PRSS3: variants seen among roughly 807,000 people sequenced by gnomAD.
PRSS3 encodes trypsin-3.
A neutral mutation model predicts 20.8 loss-of-function variants in PRSS3; 14 were observed. The ratio of observed to expected loss-of-function variants is 0.67; its 90% CI spans 0.44 to 1.05. The LOEUF (loss-of-function observed/expected upper bound fraction) is 1.05, where lower values mean the gene tolerates loss of function less well. Among genes scored for constraint, PRSS3 ranks in the 50% least tolerant of loss-of-function variants. PRSS3 has a pLI of 0.00. For missense variants in PRSS3, 237 were observed against 306.4 expected, an observed-to-expected ratio of 0.77 and a Z score of 1.69; for synonymous variants, 91 against 117.6, an observed-to-expected ratio of 0.77 and a Z score of 1.46.
chr9:33,778,582 T>A (rs182517642), intron 1 of PRSS3, among the ~76,000 whole-genome samples: 1 of 152,214 alleles, frequency 6.6e-6, no homozygotes, highest in East Asian at 1.9e-4. Flanking sequence ...CCTAAATTTA[T>A]ATTAAAAACA....
At chr9:33,771,630 T>TTTTTTGG (rs1491118375) in intron 1 of PRSS3, among the ~76,000 whole-genome samples, 8 of 116,074 alleles carry the variant, frequency 6.9e-5, no homozygotes, top group African/African-American at 2.0e-4. Flanking sequence ...CTGGGTTTTG[T>TTTTTTGG]TTTTTTGTTT....
chr9:33,761,718 AAAAT>A (rs1332975920), intron 1 of PRSS3, among the ~76,000 whole-genome samples: 1 of 152,088 alleles, frequency 6.6e-6, no homozygotes, highest in East Asian at 1.9e-4. Flanking sequence ...AAAATAAAAT[AAAAT>A]AAAATAATTA....
intron 1 of PRSS3, among the ~76,000 whole-genome samples, chr9:33,762,916 C>A (rs1388060024): frequency 1.3e-5 from 2 of 152,188 alleles, no homozygotes; most frequent in African/African-American, 4.8e-5. Flanking sequence ...AACATGTATT[C>A]TAGTCAGCTG....
chr9:33,755,775 T>C (rs1163180812), intron 1 of PRSS3, among the ~76,000 whole-genome samples: 4 of 152,232 alleles, frequency 2.6e-5, no homozygotes, highest in Middle Eastern at 3.4e-3. Flanking sequence ...AGGAAACTCA[T>C]GGGGGCCCTC....
At chr9:33,781,822 G>C (rs1014664556) in intron 1 of PRSS3, among the ~76,000 whole-genome samples, 1 of 152,178 alleles carries the variant, frequency 6.6e-6, no homozygotes, top group Non-Finnish European at 1.5e-5. Flanking sequence ...CCCACTCCTG[G>C]TTAGAAGCCT....
intron 1 of PRSS3, among the ~76,000 whole-genome samples, chr9:33,755,124 G>A (rs1263610912): frequency 2.6e-5 from 4 of 152,186 alleles, no homozygotes; most frequent in South Asian, 2.1e-4. Context: ...GGACGGGCAC[G>A]CCAGGTCATC....
intron 1 of PRSS3, among the ~76,000 whole-genome samples, chr9:33,780,148 A>T (rs1170276986): frequency 2.6e-5 from 4 of 152,114 alleles, no homozygotes; most frequent in Admixed American, 2.0e-4. Flanking sequence ...AAGAAAAAAA[A>T]ATTCTAAAGG....
intron 1 of PRSS3, among the ~76,000 whole-genome samples, chr9:33,789,433 T>C (rs1453379934): frequency 6.6e-6 from 1 of 152,210 alleles, no homozygotes; most frequent in Non-Finnish European, 1.5e-5. Flanking sequence ...TTTTTTTAAA[T>C]CCTTCACCCA....
intron 1 of PRSS3, among the ~76,000 whole-genome samples, chr9:33,785,420 G>A (rs1769712): frequency 3.3e-5 from 5 of 151,568 alleles, no homozygotes; most frequent in East Asian, 3.9e-4. Context: ...CTCGTGATCC[G>A]CCCGCCTCGG....
At chr9:33,795,387 G>C, upstream of PRSS3, 1 of 766,146 alleles carries the variant, frequency 1.3e-6, no homozygotes, top group Non-Finnish European at 2.2e-6. Flanking sequence ...CTTATCACCT[G>C]TGAATCACAA....
chr9:33,787,345 T>C (rs1229246588), intron 1 of PRSS3, among the ~76,000 whole-genome samples: 1 of 152,186 alleles, frequency 6.6e-6, no homozygotes, highest in African/African-American at 2.4e-5. Flanking sequence ...ATATGACACA[T>C]GCATCCCAGA....
chr9:33,778,205 A>G (rs545936203), intron 1 of PRSS3, among the ~76,000 whole-genome samples: 1 of 152,306 alleles, frequency 6.6e-6, no homozygotes, highest in East Asian at 1.9e-4. Flanking sequence ...CAATCTAATA[A>G]AGGCACCTGA....
chr9:33,768,812 T>C (rs1823559372), intron 1 of PRSS3, among the ~76,000 whole-genome samples: 1 of 151,250 alleles, frequency 6.6e-6, no homozygotes, highest in Non-Finnish European at 1.5e-5. Context: ...GCCAAGATCA[T>C]GCCACTGCAC....
Position 33,798,541 on chromosome 9 carries a change from G to C in PRSS3, c.510G>C (p.Glu170Asp). The C allele has an allele frequency of 3.1e-6, 5 of 1,614,166 alleles. No individual in the cohort carries two copies. The highest frequency in any genetic ancestry group is 4.2e-6 in the Non-Finnish European group (5 of 1,180,032). Residue 170 changes from glutamate to aspartate, a missense_variant, in exon 4 of 5, where the codon GAG (glutamate) becomes GAC (aspartate). Glu to Asp is a conservative substitution (Grantham distance 45). Coordinates refer to ENST00000379405, the MANE Select transcript of PRSS3 (RefSeq NM_002771.4). Reference sequence around the variant, plus strand: ...ATGCTCCGGTGCTGACCCAGGCTGAGTGTAAAGCCTCCTACCCTGGAAAGA... The same window carrying C: ...ATGCTCCGGTGCTGACCCAGGCTGACTGTAAAGCCTCCTACCCTGGAAAGA... ...CLDAPVLTQA[E>D]CKASYPGKIT...
intron 2 of PRSS3, among the ~76,000 whole-genome samples, chr9:33,797,259 C>T (rs1386447452): frequency 2.1e-5 from 3 of 142,222 alleles, no homozygotes; most frequent in Non-Finnish European, 4.7e-5. Context: ...CCTGAGTATG[C>T]GTCAAAACCA....
chr9:33,777,475 A>T (rs1489706260), intron 1 of PRSS3, among the ~76,000 whole-genome samples: 12 of 148,520 alleles, frequency 8.1e-5, no homozygotes, highest in Admixed American at 6.9e-4. Context: ...TCATGAGGTC[A>T]GGAGATCGAT....
At chr9:33,755,410 C>T (rs1799974338) in intron 1 of PRSS3, among the ~76,000 whole-genome samples, 1 of 152,054 alleles carries the variant, frequency 6.6e-6, no homozygotes, top group Admixed American at 6.5e-5. Flanking sequence ...ATTACCATAT[C>T]CTAAATAGCA....
rs1315444643 is a variant in PRSS3, at chr9:33,775,845, G to GGCGCCCACTACC, written c.-52-18900_-52-18889dup. 2.6e-5 allele frequency among the ~76,000 whole-genome samples: 4 copies of GGCGCCCACTACC among 151,882 alleles called. 1 individual carries two copies. Among genetic ancestry groups the GGCGCCCACTACC allele is most frequent in the African/African-American group, 9.7e-5 (4 of 41,322 alleles). ...AGCCTCCCAAGTTGCTGAGATTACA[G>GGCGCCCACTACC]GCGCCCACTACCACGCCCGGCTAAT... is the stretch of plus-strand genomic sequence containing the variant. On this transcript the variant is annotated intron_variant, in intron 1 of 5. Transcript: ENST00000342836.
In PRSS3 at chr9:33,750,848, G is replaced by A. The variant is rs1184480426; in HGVS notation, c.-53+121G>A. The A allele has an allele frequency of 7.2e-7, 1 of 1,385,110 alleles. No homozygotes were observed. The highest frequency in any genetic ancestry group is 9.3e-7 in the Non-Finnish European group (1 of 1,076,258). 85.8% of individuals were successfully genotyped at this position (1,385,110 alleles called of 1,614,324 possible). On this transcript the variant is annotated intron_variant, in intron 1 of 5. Coordinates refer to the PRSS3 transcript ENST00000342836. This position sits in a 1 kb window ranked among gnomAD's most constrained non-coding sequence, Gnocchi z 4.8. ...TTCCGACTCGCATGGGACCTGCGGGGGAGGGTACGCGGACAGGGAGGGGAT... is the reference window on the plus strand; with the variant it reads ...TTCCGACTCGCATGGGACCTGCGGGAGAGGGTACGCGGACAGGGAGGGGAT...
Sources: allele counts gnomAD v4.1 joint callset (sites outside exome capture counted in the v4.1 genomes callset), GRCh38; gene constraint gnomAD v4.1.1; non-coding constraint Gnocchi (gnomAD v3.1); transcripts MANE v1.5; gene names NCBI Gene and HGNC (gene_info 2026-07-23, HGNC 2026-07-21).